FNDC3B: variants seen among roughly 807,000 people sequenced by gnomAD.
FNDC3B encodes the protein fibronectin type III domain containing 3B, also known as fibronectin type III domain-containing protein 3B.
Under a neutral mutation model 151.5 loss-of-function variants are expected in FNDC3B, and 12 were observed. The observed-to-expected ratio is 0.08, with a 90% CI of 0.05 to 0.13. The LOEUF (loss-of-function observed/expected upper bound fraction) is 0.13. FNDC3B is among the 10% of genes least tolerant of loss of function. FNDC3B has a pLI of 1.00. For synonymous variants in FNDC3B, 528 were observed against 549.0 expected (o/e 0.96, Z 0.54); for missense variants, 1,214 against 1,505.3 (o/e 0.81, Z 3.20).
At chr3:172,194,730 G>A (rs1177842922) in intron 3 of FNDC3B, among the ~76,000 whole-genome samples, 1 of 152,150 alleles carries the variant, frequency 6.6e-6, no homozygotes, top group Non-Finnish European at 1.5e-5. Flanking sequence ...AATTTCAGAG[G>A]TGAATCACAA....
Position 172,353,091 on chromosome 3 carries a change from C to T in FNDC3B, c.2795+8C>T, listed in dbSNP as rs750807697. 2.5e-6 allele frequency: 4 copies of T among 1,611,406 alleles called. No individual in the cohort carries two copies. The highest frequency in any genetic ancestry group is 1.7e-5 in the Admixed American group (1 of 59,914). Reference sequence around the variant, plus strand: ...TCCAGAAACCACCTACCGGTGAGTGCAAGGGAGTAGAAATCTGCATCAGCA... The same window carrying T: ...TCCAGAAACCACCTACCGGTGAGTGTAAGGGAGTAGAAATCTGCATCAGCA... On this transcript the variant is annotated splice_region_variant and intron_variant, in intron 22 of 25. Coordinates refer to ENST00000415807, the MANE Select transcript of FNDC3B (RefSeq NM_022763.4).
At chr3:172,303,014 TTATA>T (rs10582043) in intron 9 of FNDC3B, 1 of 151,116 alleles carries the variant, frequency 6.6e-6, no homozygotes, top group East Asian at 1.9e-4. Context: ...TTTTAAATAC[TTATA>T]TATATATAAA....
intron 1 of FNDC3B, among the ~76,000 whole-genome samples, chr3:172,053,079 A>G (rs928640419): frequency 6.6e-6 from 1 of 152,178 alleles, no homozygotes; most frequent in African/African-American, 2.4e-5. Context: ...TATTCCATCC[A>G]TATGTATATT....
intron 3 of FNDC3B, among the ~76,000 whole-genome samples, chr3:172,204,330 A>T (rs1725316765): frequency 6.6e-6 from 1 of 152,204 alleles, no homozygotes; most frequent in Admixed American, 6.5e-5. Context: ...AGCCCCATTG[A>T]AATGCCTTTA....
At chr3:172,308,070 C>T (rs914302245) in intron 10 of FNDC3B, among the ~76,000 whole-genome samples, 2 of 152,066 alleles carry the variant, frequency 1.3e-5, no homozygotes, top group Admixed American at 1.3e-4. Context: ...TGGCACATTT[C>T]AGTGGTGATA....
intron 11 of FNDC3B, among the ~76,000 whole-genome samples, chr3:172,317,588 C>T (rs144041695): frequency 1.8e-4 from 27 of 152,332 alleles, no homozygotes; most frequent in Non-Finnish European, 2.9e-4. Context: ...GCCTTAGCCT[C>T]GGCCTTTCCA....
chr3:172,191,043 C>T (rs1209193491), intron 3 of FNDC3B, among the ~76,000 whole-genome samples: 1 of 152,182 alleles, frequency 6.6e-6, no homozygotes, highest in African/African-American at 2.4e-5. Context: ...AATCTTATTT[C>T]ACATCTAAAA....
At chr3:172,299,707 A>G (rs937124525) in intron 9 of FNDC3B, among the ~76,000 whole-genome samples, 4 of 152,166 alleles carry the variant, frequency 2.6e-5, no homozygotes, top group African/African-American at 9.7e-5. Context: ...TATACTTTCC[A>G]AAGGTTAATT....
intron 7 of FNDC3B, among the ~76,000 whole-genome samples, chr3:172,290,521 T>C (rs1329466296): frequency 6.6e-6 from 1 of 152,152 alleles, no homozygotes; most frequent in East Asian, 1.9e-4. Context: ...CTAGATGTAG[T>C]CTCCCATAGA....
intron 6 of FNDC3B, among the ~76,000 whole-genome samples, chr3:172,282,781 A>G (rs1729806282): frequency 6.6e-6 from 1 of 152,154 alleles, no homozygotes; most frequent in Admixed American, 6.5e-5. Context: ...GATCTCTATT[A>G]ACTCTTCATG....
At chr3:172,314,719 A>C (rs1731693641) in intron 11 of FNDC3B, among the ~76,000 whole-genome samples, 1 of 152,228 alleles carries the variant, frequency 6.6e-6, no homozygotes. Context: ...AGCAGCCTTT[A>C]TTTCTGCTGA....
At chr3:172,350,779 G>T (rs1018503106) in intron 21 of FNDC3B, among the ~76,000 whole-genome samples, 3 of 152,140 alleles carry the variant, frequency 2.0e-5, no homozygotes, top group Non-Finnish European at 4.4e-5. Flanking sequence ...CTTGAGCCTG[G>T]CAAGCAGAGG....
intron 9 of FNDC3B, among the ~76,000 whole-genome samples, chr3:172,304,896 G>GAAAAAAAA (rs1243755769): frequency 2.3e-5 from 2 of 85,552 alleles, no homozygotes; most frequent in Non-Finnish European, 2.5e-5. Context: ...GACTTCATCT[G>GAAAAAAAA]AAAAAAAAAA....
intron 24 of FNDC3B, among the ~76,000 whole-genome samples, chr3:172,378,695 G>T (rs926395181): frequency 2.0e-5 from 3 of 152,092 alleles, no homozygotes; most frequent in Non-Finnish European, 4.4e-5. Flanking sequence ...TAAATTCCTG[G>T]TGCTGCAACC....
chr3:172,134,332 G>C (rs777639261), intron 3 of FNDC3B: 1 of 516,620 alleles, frequency 1.9e-6, no homozygotes, highest in South Asian at 1.4e-5. Flanking sequence ...GATCAACCTA[G>C]ATCTGATGTT....
intron 4 of FNDC3B, among the ~76,000 whole-genome samples, chr3:172,235,083 G>GT (rs1727077276): frequency 6.6e-6 from 1 of 152,032 alleles, no homozygotes; most frequent in African/African-American, 2.4e-5. Context: ...AAGGAGACCA[G>GT]TTTTTTCAAA....
chr3:172,288,295 TTGTC>T (rs1730128175), intron 7 of FNDC3B, among the ~76,000 whole-genome samples: 1 of 152,198 alleles, frequency 6.6e-6, no homozygotes. Flanking sequence ...ACCGGCTAGA[TTGTC>T]TGAGTCACTG....
chr3:172,311,444 C>T (rs1731484282), intron 11 of FNDC3B, among the ~76,000 whole-genome samples: 1 of 152,040 alleles, frequency 6.6e-6, no homozygotes, highest in Non-Finnish European at 1.5e-5. Context: ...AAGGTATCTA[C>T]GGTGGAGTGT....
chr3:172,190,983 G>C (rs1221766026), intron 3 of FNDC3B, among the ~76,000 whole-genome samples: 1 of 152,098 alleles, frequency 6.6e-6, no homozygotes, highest in African/African-American at 2.4e-5. Context: ...TGTGTCTTTT[G>C]TTTAATGATG....
Sources: allele counts gnomAD v4.1 joint callset (sites outside exome capture counted in the v4.1 genomes callset), GRCh38; gene constraint gnomAD v4.1.1; transcripts MANE v1.5; gene names NCBI Gene and HGNC (gene_info 2026-07-23, HGNC 2026-07-21).